The following AGO2 variants were observed in gnomAD, a reference collection of about 807,000 sequenced individuals.
AGO2 encodes the protein protein argonaute-2.
AGO2 carries 5 observed loss-of-function variants against 102.3 expected under a neutral mutation model. The observed-to-expected ratio is 0.05, with a 90% CI of 0.03 to 0.10. The LOEUF (loss-of-function observed/expected upper bound fraction) is 0.10. AGO2 is among the 10% of genes least tolerant of loss of function. The pLI, the probability that AGO2 is intolerant of heterozygous loss-of-function variation, is 1.00. For missense variants in AGO2, 541 were observed against 1,183.7 expected, an observed-to-expected ratio of 0.46 and a Z score of 7.97; for synonymous variants, 449 against 473.1, an observed-to-expected ratio of 0.95 and a Z score of 0.66.
intron 1 of AGO2, among the ~76,000 whole-genome samples, chr8:140,604,147 A>C: frequency 1.3e-5 from 2 of 152,194 alleles, no homozygotes; most frequent in Non-Finnish European, 2.9e-5. Context: ...AGGCCACAAG[A>C]CCTTGAGGCG....
At chr8:140,586,206 A>C (rs181913736) in intron 1 of AGO2, among the ~76,000 whole-genome samples, 4 of 152,302 alleles carry the variant, frequency 2.6e-5, no homozygotes, top group Admixed American at 2.6e-4. Context: ...ACAAAAATAA[A>C]GTCAGGCTGG....
At chr8:140,624,044 G>A (rs2074246250) in intron 1 of AGO2, among the ~76,000 whole-genome samples, 1 of 152,182 alleles carries the variant, frequency 6.6e-6, no homozygotes, top group Non-Finnish European at 1.5e-5. Flanking sequence ...GATGCACGGG[G>A]AGCCAGGAAG....
the AGO2 span, among the ~76,000 whole-genome samples, chr8:140,642,063 AAAAAAAGAAAGG>A: frequency 2.0e-5 from 3 of 152,188 alleles, no homozygotes; most frequent in Non-Finnish European, 4.4e-5. Flanking sequence ...GAAAAAGGAA[AAAAAAAGAAAGG>A]AAAAAAGAAA....
intron 1 of AGO2, among the ~76,000 whole-genome samples, chr8:140,627,541 A>C (rs571847607): frequency 2.0e-5 from 3 of 152,332 alleles, no homozygotes; most frequent in South Asian, 4.1e-4. Context: ...TTACTGCCCC[A>C]GTAGGATTTT....
chr8:140,551,507 C>G, intron 10 of AGO2, 71 bp from the exon 11 acceptor site: 2 of 1,383,632 alleles, frequency 1.4e-6, no homozygotes, highest in East Asian at 5.4e-5. Context: ...GACTTTGTCA[C>G]TCTCACTGTT....
At position 140,556,006 on chromosome 8, in the gene AGO2, T is replaced by C. The variant is rs908784749; in HGVS notation, c.1159A>G (p.Ser387Gly). The C allele has an allele frequency of 1.9e-6, 3 of 1,614,140 alleles. No individual in the cohort carries two copies. Among genetic ancestry groups the C allele is most frequent in the East Asian group, 2.2e-5 (1 of 44,872 alleles). The part of the protein sequence containing the change: ...EEISKLMRSA[S>G]FNTDPYVREF... ...CGGACGTATGGATCTGTGTTGAAAC[T>C]TGCACTTCGCATCTGGCAAAGGGAA... is the stretch of plus-strand genomic sequence containing the variant. Residue 387 changes from serine (S) to glycine (G), a missense_variant, in exon 10 of 19, where the codon AGT (serine) becomes GGT (glycine). By Grantham distance (56) the Ser-to-Gly change is moderately conservative. Transcript: ENST00000220592.
chr8:140,588,769 C>T (rs2073702393), intron 1 of AGO2, among the ~76,000 whole-genome samples: 1 of 152,254 alleles, frequency 6.6e-6, no homozygotes, highest in South Asian at 2.1e-4. Context: ...GCGATGGCTC[C>T]CCGGGGCCCA....
chr8:140,611,445 A>G (rs1363776491), intron 1 of AGO2, among the ~76,000 whole-genome samples: 3 of 151,778 alleles, frequency 2.0e-5, no homozygotes, highest in Non-Finnish European at 4.4e-5. Context: ...CTCCTCCCTC[A>G]GCCTCCCAAG....
At position 140,557,295 on chromosome 8, in the gene AGO2, G is replaced by T; in HGVS notation, c.879-59C>A. 1 of 1,529,470 alleles carries T rather than the reference G, an allele frequency of 6.5e-7. No homozygotes were observed. Among genetic ancestry groups the T allele is most frequent in the Non-Finnish European group, 8.8e-7 (1 of 1,138,338 alleles). 94.7% of individuals were successfully genotyped at this position (1,529,470 alleles called of 1,614,324 possible). On this transcript the variant is annotated intron_variant, in intron 7 of 18. Coordinates refer to ENST00000220592, the MANE Select transcript of AGO2 (RefSeq NM_012154.5). The surrounding 1 kb of genome is among the most constrained non-coding windows in gnomAD (Gnocchi z 5.9). ...ATCCCGGAGCCCCTTCCCCTGCGCT[G>T]CTTTTCATTTGCGTTTGCTTTTTAG...
At chr8:140,591,593 C>T (rs1048707809) in intron 1 of AGO2, 1 of 152,206 alleles carries the variant, frequency 6.6e-6, no homozygotes, top group African/African-American at 2.4e-5. Context: ...CCTAAGCTCC[C>T]GCAGATGACT....
At chr8:140,604,649 A>T (rs1299463055) in intron 1 of AGO2, among the ~76,000 whole-genome samples, 2 of 152,018 alleles carry the variant, frequency 1.3e-5, no homozygotes, top group Non-Finnish European at 2.9e-5. Flanking sequence ...ACACGGTGAA[A>T]CCCCGTCTCT....
rs1434224801 is a variant in AGO2 at position 140,521,347 on chromosome 8, T to C, written c.*10697A>G. On this transcript the variant is annotated 3_prime_UTR_variant, in exon 19 of 19. Transcript: ENST00000220592. The stretch of plus-strand genomic sequence containing the variant: ...AGTAGAATCATCTCTCTCTCTATTT[T>C]TGAGATCCTGCAGCAAAAAGCCTCC... The C allele has an allele frequency of 6.6e-6, 1 of 152,228 alleles. No individual in the cohort carries two copies. The highest frequency in any genetic ancestry group is 3.2e-3 in the Middle Eastern group (1 of 316). 9.4% of individuals were successfully genotyped at this position (152,228 alleles called of 1,614,324 possible).
intron 1 of AGO2, among the ~76,000 whole-genome samples, chr8:140,623,685 C>G (rs2074241995): frequency 6.6e-6 from 1 of 152,020 alleles, no homozygotes; most frequent in East Asian, 1.9e-4. Flanking sequence ...TGGATGCAGC[C>G]CCATGGCCCC....
intron 17 of AGO2, among the ~76,000 whole-genome samples, chr8:140,533,858 G>T (rs761538911): frequency 6.6e-6 from 1 of 152,050 alleles, no homozygotes; most frequent in Non-Finnish European, 1.5e-5. Flanking sequence ...CATTGTAGAA[G>T]TGAGAGTGTG....
At chr8:140,624,194 C>T (rs999663251) in intron 1 of AGO2, among the ~76,000 whole-genome samples, 1 of 152,178 alleles carries the variant, frequency 6.6e-6, no homozygotes, top group Admixed American at 6.5e-5. Context: ...CAGCAGGTCT[C>T]GACTGGGTCA....
chr8:140,543,604 C>T (rs1438638139), intron 14 of AGO2, among the ~76,000 whole-genome samples: 5 of 152,266 alleles, frequency 3.3e-5, no homozygotes, highest in East Asian at 1.9e-4. Flanking sequence ...TACAGGCGCA[C>T]GCCACCACCC....
intron 14 of AGO2, 77 bp downstream of exon 14, chr8:140,544,136 C>A: frequency 6.9e-7 from 1 of 1,441,994 alleles, no homozygotes; most frequent in Non-Finnish European, 9.2e-7. Flanking sequence ...GACCCCTGGC[C>A]ACGCTGTGAC....
At chr8:140,617,417 A>AT (rs1489588048) in intron 1 of AGO2, among the ~76,000 whole-genome samples, 2 of 151,874 alleles carry the variant, frequency 1.3e-5, no homozygotes, top group Non-Finnish European at 2.9e-5. Context: ...ATGCCCAGCT[A>AT]TTTTTTTGTA....
intron 1 of AGO2, among the ~76,000 whole-genome samples, chr8:140,617,660 C>T (rs914976102): frequency 6.6e-6 from 1 of 152,192 alleles, no homozygotes; most frequent in Non-Finnish European, 1.5e-5. Flanking sequence ...CACCCGTGGG[C>T]GTGACCCTGT....
Sources: allele counts gnomAD v4.1 joint callset (sites outside exome capture counted in the v4.1 genomes callset), GRCh38; gene constraint gnomAD v4.1.1; non-coding constraint Gnocchi (gnomAD v3.1); transcripts MANE v1.5; gene names NCBI Gene and HGNC (gene_info 2026-07-23, HGNC 2026-07-21).